TRPS1: variants seen among roughly 807,000 people sequenced by gnomAD.
The protein encoded by TRPS1 is transcriptional repressor GATA binding 1, also known as zinc finger transcription factor Trps1.
A neutral mutation model predicts 101.2 loss-of-function variants in TRPS1; 6 were observed. The ratio of observed to expected loss-of-function variants is 0.06; its 90% confidence interval spans 0.03 to 0.12. The LOEUF (loss-of-function observed/expected upper bound fraction) is 0.12, where lower values mean the gene tolerates loss of function less well. Ranked by LOEUF, TRPS1 falls within the 10% of genes least tolerant of loss-of-function variation. TRPS1 has a pLI of 1.00. For missense variants in TRPS1, 1,363 were observed against 1,567.0 expected, an observed-to-expected ratio of 0.87 and a Z score of 2.20; for synonymous variants, 578 against 589.8, an observed-to-expected ratio of 0.98 and a Z score of 0.29.
chr8:115,576,313 ATAGATC>A (rs1213246616), intron 5 of TRPS1, among the ~76,000 whole-genome samples: 68 of 143,188 alleles, frequency 4.7e-4, no homozygotes, highest in African/African-American at 1.7e-3. Context: ...AGATATAGAT[ATAGATC>A]TAGATCTTTG....
Position 115,604,971 on chromosome 8 carries a change from C to T in TRPS1, c.998G>A (p.Gly333Glu). Residue 333 changes from glycine (G) to glutamate (E), a missense_variant, in exon 4 of 7, where the codon GGA (glycine) becomes GAA (glutamate). By Grantham distance (98) the Gly-to-Glu change is moderately conservative. Coordinates refer to ENST00000395715, the MANE Select transcript of TRPS1 (RefSeq NM_014112.5). The surrounding 1 kb of genome is among the most constrained non-coding windows in gnomAD (Gnocchi z 4.1). ...VTSGGTFIGI[G>E]RKTPDCQGNT... is the part of the protein sequence containing the mutation. ...CCCTTGGCAATCTGGTGTTTTCCGT[C>T]CAATGCCAATGAATGTTCCACCTGA... The T allele has an allele frequency of 1.2e-6, 2 of 1,613,804 alleles. No homozygotes were observed. Among genetic ancestry groups the T allele is most frequent in the South Asian group, 2.2e-5 (2 of 91,076 alleles).
chr8:115,655,740 AATTT>A (rs1811662823), intron 1 of TRPS1, among the ~76,000 whole-genome samples: 1 of 152,168 alleles, frequency 6.6e-6, no homozygotes, highest in South Asian at 2.1e-4. Flanking sequence ...AACTTTTCAT[AATTT>A]ATCTGTACAT....
rs140902101 is a variant in TRPS1 at position 115,563,091 on chromosome 8, G to A, written c.2700+23910C>T. Among the ~76,000 whole-genome samples, 379 of 152,050 alleles carry A rather than the reference G, an allele frequency of 2.5e-3. 3 individuals are homozygous for A. The highest frequency in any genetic ancestry group is 3.4e-3 in the Middle Eastern group (1 of 294). On this transcript the variant is annotated intron_variant, in intron 5 of 6. Transcript: ENST00000395715. ...TATGTGAATGAAACACTTGTCTTCT[G>A]TACTGACACACTCTACCCACTAGCA...
intron 5 of TRPS1, among the ~76,000 whole-genome samples, chr8:115,451,631 C>A (rs1398386838): frequency 6.6e-6 from 1 of 152,152 alleles, no homozygotes; most frequent in Non-Finnish European, 1.5e-5. Flanking sequence ...GTATACATTA[C>A]AGGAAAAATT....
rs1181796987 is a variant in TRPS1 at position 115,492,143 on chromosome 8, A to T, written c.2701-73691T>A. On this transcript the variant is annotated intron_variant, in intron 5 of 6. Coordinates refer to ENST00000395715, the MANE Select transcript of TRPS1 (RefSeq NM_014112.5). ...AAATCCAGAGGGGTGACGTTTGGTT[A>T]GTCAGGAAATACTTCAAAGAGTATG... is the stretch of plus-strand genomic sequence containing the variant. 1.1e-5 allele frequency: 5 copies of T among 455,314 alleles called. No individual in the cohort carries two copies. In the Admixed American group the frequency reaches 1.2e-4, roughly 11 times the overall value. 28.2% of individuals were successfully genotyped at this position (455,314 alleles called of 1,614,324 possible).
chr8:115,428,042 C>T (rs1332526810), intron 5 of TRPS1, among the ~76,000 whole-genome samples: 3 of 152,100 alleles, frequency 2.0e-5, no homozygotes, highest in Non-Finnish European at 4.4e-5. Context: ...GAAGACTTGG[C>T]TAGAGTTGGG....
chr8:115,499,542 T>C (rs1298341439), intron 5 of TRPS1, among the ~76,000 whole-genome samples: 3 of 152,036 alleles, frequency 2.0e-5, no homozygotes, highest in Admixed American at 2.0e-4. Context: ...CAAATTGGGA[T>C]CTTTTACAGA....
chr8:115,639,196 T>C (rs1818838608), intron 1 of TRPS1, among the ~76,000 whole-genome samples: 1 of 152,166 alleles, frequency 6.6e-6, no homozygotes, highest in South Asian at 2.1e-4. Flanking sequence ...CCCAAGTATC[T>C]GGGACAACAG....
At chr8:115,453,774 G>T (rs1813942955) in intron 5 of TRPS1, among the ~76,000 whole-genome samples, 1 of 152,178 alleles carries the variant, frequency 6.6e-6, no homozygotes, top group South Asian at 2.1e-4. Flanking sequence ...TCAGGCAATT[G>T]ATTTGGATGA....
chr8:115,652,327 A>G (rs1212101606), intron 1 of TRPS1, among the ~76,000 whole-genome samples: 1 of 152,208 alleles, frequency 6.6e-6, no homozygotes, highest in African/African-American at 2.4e-5. Flanking sequence ...GGAGATTCAC[A>G]TGAAATGAAA....
chr8:115,604,261 G>A lies in TRPS1; in HGVS notation c.1708C>T (p.His570Tyr), dbSNP rs1260636697. Residue 570 changes from histidine (H) to tyrosine (Y), a missense_variant, in exon 4 of 7, where the codon CAC becomes TAC. His to Tyr is a moderately conservative substitution (Grantham distance 83, BLOSUM62 2). Around this residue, in one of 5 missense-constraint regions of TRPS1, gnomAD observed 1,020 missense variants for 1,073.0 expected, o/e 0.95. Coordinates refer to ENST00000395715, the MANE Select transcript of TRPS1 (RefSeq NM_014112.5). The surrounding 1 kb of genome is among the most constrained non-coding windows in gnomAD (Gnocchi z 4.1). ...LRHYQQLHNI[H>Y]KCTIKHCPFC... The stretch of plus-strand genomic sequence containing the variant: ...GGACAGTGTTTAATGGTACACTTGT[G>A]AATGTTATGGAGCTGTTGATAATGA... 3.1e-6 allele frequency: 5 copies of A among 1,614,118 alleles called. No individual in the cohort carries two copies. The highest frequency in any genetic ancestry group is 4.2e-6 in the Non-Finnish European group (5 of 1,180,026).
Position 115,603,987 on chromosome 8 carries a change from G to A in TRPS1, c.1982C>T (p.Ala661Val), listed in dbSNP as rs537502435. The change falls in exon 4 of 7, where the codon GCA becomes GTA. Residue 661 changes from alanine to valine, a missense_variant. Ala to Val is a moderately conservative substitution (Grantham distance 64). Coordinates refer to ENST00000395715, the MANE Select transcript of TRPS1 (RefSeq NM_014112.5). The part of the protein sequence containing the change: ...ESQASDVKQE[A>V]NHLQGSDGQQ... ...CCCATCCGATCCTTGCAGGTGATTT[G>A]CTTCTTGTTTGACATCCGATGCTTG... 9.9e-6 allele frequency: 16 copies of A among 1,613,908 alleles called. No homozygotes were observed. The South Asian group carries it at 1.2e-4, about 12-fold the overall frequency.
chr8:115,427,175 G>T (rs557574008), intron 5 of TRPS1, among the ~76,000 whole-genome samples: 1 of 151,174 alleles, frequency 6.6e-6, no homozygotes, highest in South Asian at 2.1e-4. Flanking sequence ...TACTCTGGAG[G>T]CTGAGGAGAG....
intron 5 of TRPS1, among the ~76,000 whole-genome samples, chr8:115,476,543 T>C (rs76577662): frequency 0.013 from 2,004 of 152,318 alleles, 43 homozygotes; most frequent in African/African-American, 0.046. Flanking sequence ...ATTCAACATA[T>C]AGCCTGTGGC....
chr8:115,490,303 A>T (rs1260289145), intron 5 of TRPS1, among the ~76,000 whole-genome samples: 1 of 152,138 alleles, frequency 6.6e-6, no homozygotes, highest in Non-Finnish European at 1.5e-5. Context: ...TAATGTGAGG[A>T]TATTTTAAAA....
intron 5 of TRPS1, among the ~76,000 whole-genome samples, chr8:115,533,171 C>T (rs1046529771): frequency 1.3e-5 from 2 of 152,104 alleles, no homozygotes; most frequent in African/African-American, 4.8e-5. Flanking sequence ...CTTGAGCAAA[C>T]TTTTAATGGC....
intron 5 of TRPS1, among the ~76,000 whole-genome samples, chr8:115,585,341 T>C (rs1280740232): frequency 6.6e-6 from 1 of 152,200 alleles, no homozygotes; most frequent in Non-Finnish European, 1.5e-5. Flanking sequence ...AATTGTCATT[T>C]CAAAGTCTTA....
intron 5 of TRPS1, among the ~76,000 whole-genome samples, chr8:115,550,804 T>C (rs1816686726): frequency 1.3e-5 from 2 of 152,230 alleles, no homozygotes; most frequent in South Asian, 2.1e-4. Context: ...CCAACTTTTA[T>C]TGAGCTCCAA....
rs1300084344 is a variant in TRPS1, at chr8:115,587,259, C to T, written c.2442G>A (p.Arg814=). The T allele has an allele frequency of 3.1e-6, 5 of 1,614,100 alleles. No homozygotes were observed. The African/African-American group carries it at 6.7e-5, about 22-fold the overall frequency. The change falls in exon 5 of 7, where the codon CGG becomes CGA. Residue 814 remains arginine, a synonymous_variant. Transcript: ENST00000395715. ...TTGCTTGGGTGTATGACGGACTCCCCCGCAGGATGTCTGCCCCTCTCCAAG... is the reference window on the plus strand; with the variant it reads ...TTGCTTGGGTGTATGACGGACTCCCTCGCAGGATGTCTGCCCCTCTCCAAG... ...NVTWRGADIL[R]GSPSYTQASL...
Sources: allele counts gnomAD v4.1 joint callset (sites outside exome capture counted in the v4.1 genomes callset), GRCh38; gene constraint gnomAD v4.1.1; regional missense constraint gnomAD v4.1.1; non-coding constraint Gnocchi (gnomAD v3.1); transcripts MANE v1.5; gene names NCBI Gene and HGNC (gene_info 2026-07-23, HGNC 2026-07-21).